Variants in ADRA1B observed in about 807,000 individuals in gnomAD.
ADRA1B encodes the protein adrenoceptor alpha 1B.
A neutral mutation model predicts 17.9 loss-of-function variants in ADRA1B; 17 were observed. The observed-to-expected ratio is 0.95, with a 90% CI of 0.65 to 1.42. The LOEUF (loss-of-function observed/expected upper bound fraction) is 1.42. ADRA1B is among the 40% of genes most tolerant of loss of function. ADRA1B has a pLI of 0.00. For missense variants in ADRA1B, 681 were observed against 722.1 expected (o/e 0.94, Z 0.65); for synonymous variants, 366 against 327.6 (o/e 1.12, Z -1.27).
chr5:159,936,349 A>C (rs1001056857), intron 1 of ADRA1B, among the ~76,000 whole-genome samples: 2 of 152,242 alleles, frequency 1.3e-5, no homozygotes, highest in Non-Finnish European at 2.9e-5. Context: ...ACACAATAAC[A>C]TAAATTATTA....
At chr5:159,878,009 T>C (rs973483648) in intron 1 of ADRA1B, among the ~76,000 whole-genome samples, 1 of 152,166 alleles carries the variant, frequency 6.6e-6, no homozygotes, top group Non-Finnish European at 1.5e-5. Flanking sequence ...AAGTGCCAGA[T>C]TAGGTGCTCT....
At chr5:159,913,877 C>A (rs1754252378), upstream of ADRA1B, among the ~76,000 whole-genome samples, 1 of 152,092 alleles carries the variant, frequency 6.6e-6, no homozygotes, top group South Asian at 2.1e-4. Flanking sequence ...TTTATTTTAT[C>A]CCACCCTTAC....
chr5:159,985,073 A>G, the ADRA1B span, among the ~76,000 whole-genome samples: 7 of 151,912 alleles, frequency 4.6e-5, no homozygotes, highest in African/African-American at 9.7e-5. Context: ...CTTCAGCCAC[A>G]TGGGTCCCCT....
chr5:159,893,804 C>T (rs1754011592), intron 1 of ADRA1B, among the ~76,000 whole-genome samples: 3 of 152,094 alleles, frequency 2.0e-5, no homozygotes, highest in South Asian at 2.1e-4. Flanking sequence ...TGGGGGCTGC[C>T]CTGATGGGTC....
upstream of ADRA1B, among the ~76,000 whole-genome samples, chr5:159,911,484 T>C (rs1214440902): frequency 1.3e-5 from 2 of 152,164 alleles, no homozygotes; most frequent in Non-Finnish European, 2.9e-5. Context: ...ATTCAGCCCC[T>C]GGGTGACTTT....
chr5:159,923,014 C>T (rs773850206), intron 1 of ADRA1B, among the ~76,000 whole-genome samples: 4 of 152,222 alleles, frequency 2.6e-5, no homozygotes, highest in African/African-American at 4.8e-5. Context: ...GTGGAACCCT[C>T]AACGGTTTGG....
chr5:159,986,225 G>A, the ADRA1B span, among the ~76,000 whole-genome samples: 1 of 152,152 alleles, frequency 6.6e-6, no homozygotes, highest in Non-Finnish European at 1.5e-5. Context: ...CTCCCAAGTA[G>A]CTGGGACTAC....
intron 1 of ADRA1B, among the ~76,000 whole-genome samples, chr5:159,935,168 C>T (rs1227689767): frequency 6.6e-5 from 10 of 152,142 alleles, no homozygotes; most frequent in South Asian, 6.2e-4. Context: ...ACTGAATAGT[C>T]GGGAAAATTG....
intron 1 of ADRA1B, among the ~76,000 whole-genome samples, chr5:159,924,747 C>T (rs1457537468): frequency 1.3e-5 from 2 of 151,078 alleles, no homozygotes; most frequent in Non-Finnish European, 3.0e-5. Context: ...AATGCCTTTA[C>T]CTGAGTGTGT....
chr5:159,869,824 AAGG>A (rs1279131419), intron 1 of ADRA1B: 2 of 152,204 alleles, frequency 1.3e-5, no homozygotes, highest in Non-Finnish European at 2.9e-5. Flanking sequence ...GTGAAGATAA[AAGG>A]AGATGATTTA....
Position 159,972,315 on chromosome 5 carries a change from C to G in ADRA1B, c.1386C>G (p.Pro462=). Residue 462 remains proline, a synonymous_variant, in exon 2 of 2, where the codon CCC becomes CCG. Transcript: ENST00000306675. ...ALLSLPAPEP[P]GRRGRHDSGP... ...TGAGCCTGCCCGCGCCTGAGCCCCC[C>G]GGCCGCCGCGGCCGCCACGACTCGG... 1 of 1,432,914 alleles carries G rather than the reference C, an allele frequency of 7.0e-7. No homozygotes were observed. Among genetic ancestry groups the G allele is most frequent in the Admixed American group, 2.7e-5 (1 of 36,992 alleles). 88.8% of individuals were successfully genotyped at this position (1,432,914 alleles called of 1,614,324 possible). A position where few individuals can be genotyped will look rare whatever the true frequency, so the allele number is the denominator to read the frequency against.
intron 1 of ADRA1B, among the ~76,000 whole-genome samples, chr5:159,881,465 G>A (rs1169929628): frequency 6.6e-6 from 1 of 151,944 alleles, no homozygotes; most frequent in East Asian, 1.9e-4. Context: ...GGCTCAACAT[G>A]GCAGCTGTCC....
intron 1 of ADRA1B, among the ~76,000 whole-genome samples, chr5:159,882,155 T>C (rs886638587): frequency 6.6e-6 from 1 of 152,100 alleles, no homozygotes; most frequent in Non-Finnish European, 1.5e-5. Flanking sequence ...GGAGGAACTA[T>C]GGAAATGTGA....
chr5:159,910,314 C>A (rs1354595220), intron 1 of ADRA1B, among the ~76,000 whole-genome samples: 1 of 152,128 alleles, frequency 6.6e-6, no homozygotes, highest in Non-Finnish European at 1.5e-5. Flanking sequence ...ATGTAGCTTG[C>A]CCAAGGTCAC....
At chr5:159,986,942 A>G in the ADRA1B span, among the ~76,000 whole-genome samples, 7 of 152,060 alleles carry the variant, frequency 4.6e-5, no homozygotes, top group South Asian at 2.1e-4. Context: ...CTCTTTCCCA[A>G]TCTCTGATGG....
intron 1 of ADRA1B, among the ~76,000 whole-genome samples, chr5:159,867,191 A>G (rs1373426956): frequency 6.6e-6 from 1 of 152,188 alleles, no homozygotes; most frequent in Non-Finnish European, 1.5e-5. Context: ...AATCTCAATG[A>G]TGTTGCCTTG....
intron 1 of ADRA1B, chr5:159,947,725 G>A (rs182017048): frequency 1.0e-6 from 1 of 985,372 alleles, no homozygotes; most frequent in African/African-American, 1.7e-5. Context: ...GACGTTGAAT[G>A]CTTGCTGTAA....
In ADRA1B at chr5:159,905,861, A is replaced by ATT. The variant is rs34796078; in HGVS notation, c.-255-10246_-255-10245dup. Among the ~76,000 whole-genome samples the ATT allele has an allele frequency of 3.7e-3, 550 of 146,768 alleles. 1 individual carries two copies. The highest frequency in any genetic ancestry group is 0.01 in the South Asian group (48 of 4,592). On this transcript the variant is annotated intron_variant, in intron 1 of 2. Transcript: ENST00000641205. ...ACTACAGCAAGTGAAAGTCAATGCC[A>ATT]TTTTTTTTTTTTTGAGTCAGAGTCT...
intron 1 of ADRA1B, among the ~76,000 whole-genome samples, chr5:159,906,595 CT>C (rs763547472): frequency 6.6e-6 from 1 of 152,190 alleles, no homozygotes; most frequent in Non-Finnish European, 1.5e-5. Flanking sequence ...CTTTTATTCC[CT>C]GTAAAGTTTG....
Sources: allele counts gnomAD v4.1 joint callset (sites outside exome capture counted in the v4.1 genomes callset), GRCh38; gene constraint gnomAD v4.1.1; transcripts MANE v1.5; gene names NCBI Gene and HGNC (gene_info 2026-07-23, HGNC 2026-07-21).